HMCN2: variants seen among roughly 807,000 people sequenced by gnomAD.
The protein encoded by HMCN2 is hemicentin-2.
A neutral mutation model predicts 377.5 loss-of-function variants in HMCN2; 325 were observed. The ratio of observed to expected loss-of-function variants is 0.86; its 90% CI spans 0.79 to 0.94. The LOEUF is 0.94. HMCN2 is among the 40% of genes least tolerant of loss of function. HMCN2 has a pLI of 0.00. For synonymous variants in HMCN2, 2,007 were observed against 2,046.8 expected (o/e 0.98, Z 0.53); for missense variants, 4,543 against 4,725.3 (o/e 0.96, Z 1.13).
rs539753745 is a variant in HMCN2 at position 130,420,470 on chromosome 9, A to AAAAAC, written c.13231+1456_13231+1460dup. ...ATTTGTTCTGTAGGGCTACTGGTAA[A>AAAAAC]AAAACAAAACAAAACAAAACAAAAC... On this transcript the variant is annotated intron_variant, in intron 86 of 97. Coordinates refer to ENST00000683500, the MANE Select transcript of HMCN2 (RefSeq NM_001291815.2). Among the ~76,000 whole-genome samples the AAAAAC allele has an allele frequency of 5.2e-3, 794 of 152,230 alleles. 4 individuals are homozygous for AAAAAC. Among genetic ancestry groups the AAAAAC allele is most frequent in the South Asian group, 0.026 (123 of 4,820 alleles).
At chr9:130,322,764 T>G (rs1837924872) in intron 19 of HMCN2, among the ~76,000 whole-genome samples, 1 of 152,182 alleles carries the variant, frequency 6.6e-6, no homozygotes, top group Non-Finnish European at 1.5e-5. Flanking sequence ...GCCCAACTGC[T>G]CTCCTGCCCA....
chr9:130,358,472 C>T lies in HMCN2; in HGVS notation c.5663C>T (p.Ala1888Val), dbSNP rs910309026. The change falls in exon 36 of 98, where the codon GCG becomes GTG. Residue 1888 changes from alanine to valine, a missense_variant. Ala to Val is a moderately conservative substitution (Grantham distance 64, BLOSUM62 0). Transcript: ENST00000683500. ...NLAGESKREV[A>V]LKVLVPPNIE... ...GCTGGGGAGAGCAAGAGGGAAGTGG[C>T]GCTGAAAGTTTTGGGTGAGGACGTG... The T allele has an allele frequency of 4.6e-6, 6 of 1,304,222 alleles. No homozygotes were observed. The highest frequency in any genetic ancestry group is 1.5e-5 in the African/African-American group (1 of 65,854). 80.8% of individuals were successfully genotyped at this position (1,304,222 alleles called of 1,614,324 possible). A position where few individuals can be genotyped will look rare whatever the true frequency, so the allele number is the denominator to read the frequency against.
intron 17 of HMCN2, 117 bp downstream of exon 17, chr9:130,320,568 C>G (rs2131399161): frequency 6.6e-6 from 1 of 152,412 alleles, no homozygotes; most frequent in East Asian, 1.9e-4. Flanking sequence ...TCTGTTGGAA[C>G]AAACGAATCC....
At chr9:130,291,363 C>T (rs1254551939) in intron 4 of HMCN2, among the ~76,000 whole-genome samples, 1 of 152,152 alleles carries the variant, frequency 6.6e-6, no homozygotes, top group Non-Finnish European at 1.5e-5. Flanking sequence ...GCGCCTGCCA[C>T]CACACCCGGC....
chr9:130,374,047 G>A (rs1252348284), intron 48 of HMCN2, among the ~76,000 whole-genome samples: 1 of 151,938 alleles, frequency 6.6e-6, no homozygotes, highest in African/African-American at 2.4e-5. Context: ...TGGTTGAATG[G>A]AGGGATAGTT....
chr9:130,400,665 T>A, intron 76 of HMCN2, 118 bp from the exon 77 acceptor site: 3 of 615,066 alleles, frequency 4.9e-6, no homozygotes, highest in Non-Finnish European at 4.5e-6. Context: ...TGTTGCCACC[T>A]CCCTCCTTGG....
At chr9:130,372,639 G>T (rs1302847691) in intron 47 of HMCN2, among the ~76,000 whole-genome samples, 1 of 152,168 alleles carries the variant, frequency 6.6e-6, no homozygotes, top group Non-Finnish European at 1.5e-5. Context: ...ACAGGGCATG[G>T]TGGTACACGC....
rs551912643 is a variant in HMCN2 at position 130,405,987 on chromosome 9, T to C, written c.12372T>C (p.Ala4124=). ...GQDAGTYTCT[A]ENAVGRARRR... ...ACGCAGGCACCTATACCTGTACCGC[T>C]GAGAACGCCGTGGGCCGGGCCCGCC... Residue 4124 remains alanine (A), a synonymous_variant, in exon 82 of 98, where the codon GCT becomes GCC. Transcript: ENST00000683500. 74 of 1,289,488 alleles carry C rather than the reference T, an allele frequency of 5.7e-5. 2 individuals carry two copies. The South Asian group carries it at 7.0e-4, about 12-fold the overall frequency. 79.9% of individuals were successfully genotyped at this position (1,289,488 alleles called of 1,614,324 possible).
At chr9:130,409,275 G>A (rs1332803673) in intron 84 of HMCN2, among the ~76,000 whole-genome samples, 1 of 152,220 alleles carries the variant, frequency 6.6e-6, no homozygotes, top group African/African-American at 2.4e-5. Flanking sequence ...GGTAGGGTAG[G>A]CAGGTAATAG....
intron 62 of HMCN2, among the ~76,000 whole-genome samples, chr9:130,389,642 T>G (rs1267714837): frequency 1.3e-5 from 2 of 151,808 alleles, no homozygotes; most frequent in Non-Finnish European, 2.9e-5. Context: ...TGCCACAATC[T>G]CGGCTCACTG....
chr9:130,345,207 A>G (rs1157761073), intron 25 of HMCN2, among the ~76,000 whole-genome samples: 1 of 102,656 alleles, frequency 9.7e-6, no homozygotes, highest in Non-Finnish European at 2.0e-5. Flanking sequence ...TGTGGTATGT[A>G]TTGTGTGTGG....
At chr9:130,427,706 G>T in intron 92 of HMCN2, 87 bp downstream of exon 92, 1 of 1,441,760 alleles carries the variant, frequency 6.9e-7, no homozygotes. Flanking sequence ...CAGGACCCTG[G>T]CTGGGGACAC....
intron 40 of HMCN2, among the ~76,000 whole-genome samples, chr9:130,363,547 C>T (rs959376556): frequency 1.3e-5 from 2 of 152,076 alleles, no homozygotes; most frequent in Non-Finnish European, 2.9e-5. Flanking sequence ...GGGAGCTGGG[C>T]ATGGTGGCTC....
intron 4 of HMCN2, among the ~76,000 whole-genome samples, chr9:130,289,331 G>A (rs1188590637): frequency 1.3e-5 from 2 of 152,160 alleles, no homozygotes; most frequent in African/African-American, 4.8e-5. Flanking sequence ...AGTAAGGGCG[G>A]GCGGAAGATG....
chr9:130,405,024 C>A lies in HMCN2; in HGVS notation c.12304C>A (p.Gln4102Lys). The change falls in exon 81 of 98, where the codon CAG (glutamine) becomes AAG (lysine). Residue 4102 changes from glutamine to lysine, a missense_variant. By Grantham distance (53) the Gln-to-Lys change is moderately conservative. Transcript: ENST00000683500. Reference protein sequence around the residue: ...VSGAEGKFTIQPSGELLVKNL... With the variant: ...VSGAEGKFTIKPSGELLVKNL... ...GGGCGCCGAGGGGAAGTTCACCATC[C>A]AGCCTTCTGGGGAGTTGCTGGTGAA... 1 of 1,289,072 alleles carries A rather than the reference C, an allele frequency of 7.8e-7. No homozygotes were observed. 79.9% of individuals were successfully genotyped at this position (1,289,072 alleles called of 1,614,324 possible).
Position 130,371,030 on chromosome 9 carries a change from T to TAA in HMCN2, c.7137_7138dup (p.Thr2380LysfsTer39). On this transcript the variant is annotated frameshift_variant, in exon 46 of 98. Transcript: ENST00000683500. LOFTEE classifies it high-confidence loss of function. ...ATCACTGCTGCCTTGCACAGCCCCT[T>TAA]AACTCTGCTCTGTGAAGCCATGGGG... The TAA allele has an allele frequency of 1.0e-6, 1 of 985,988 alleles. No homozygotes were observed. Among genetic ancestry groups the TAA allele is most frequent in the East Asian group, 1.1e-4 (1 of 8,812 alleles). 61.1% of individuals were successfully genotyped at this position (985,988 alleles called of 1,614,324 possible).
In HMCN2 at chr9:130,369,704, G is replaced by A. The variant is rs373739982; in HGVS notation, c.6922G>A (p.Val2308Met). The A allele has an allele frequency of 1.0e-5, 10 of 985,932 alleles. No homozygotes were observed. The highest frequency in any genetic ancestry group is 5.2e-4 in the Middle Eastern group (1 of 1,940). 61.1% of individuals were successfully genotyped at this position (985,932 alleles called of 1,614,324 possible). Residue 2308 changes from valine (V) to methionine (M), a missense_variant, in exon 45 of 98, where the codon GTG becomes ATG. Val to Met is a conservative substitution (Grantham distance 21). This residue lies in a region of HMCN2 where 1,032 missense variants were observed against 1,285.1 expected (regional missense o/e 0.80). Transcript: ENST00000683500. The surrounding 1 kb of genome is among the most constrained non-coding windows in gnomAD (Gnocchi z 4.5). Reference protein sequence around the residue: ...TVTWERDGQPVGAELGLQLQN... With the variant: ...TVTWERDGQPMGAELGLQLQN... Reference sequence around the variant, plus strand: ...GACATGGGAGCGGGACGGCCAGCCCGTGGGGGCTGAACTGGGCCTGCAGCT... The same window carrying A: ...GACATGGGAGCGGGACGGCCAGCCCATGGGGGCTGAACTGGGCCTGCAGCT...
chr9:130,388,476 G>A lies in HMCN2; in HGVS notation c.9459G>A (p.Leu3153=), dbSNP rs1270209710. ...AGGTGGCTGGGAGCCCCCTGGTCCTGACCTGTGATGTGTCCGGGGTCCCTG... is the reference window on the plus strand; with the variant it reads ...AGGTGGCTGGGAGCCCCCTGGTCCTAACCTGTGATGTGTCCGGGGTCCCTG... ...VSQVAGSPLV[L]TCDVSGVPAP... The change falls in exon 62 of 98, where the codon CTG becomes CTA. Residue 3153 remains leucine (L), a synonymous_variant. Transcript: ENST00000683500. 2.0e-6 allele frequency: 2 copies of A among 987,914 alleles called. No individual in the cohort carries two copies. The highest frequency in any genetic ancestry group is 2.4e-6 in the Non-Finnish European group (2 of 830,126). The allele number at this position is 987,914 out of a possible 1,614,324, so 61.2% of individuals were successfully genotyped here.
chr9:130,300,255 C>T (rs1333517059), intron 8 of HMCN2, among the ~76,000 whole-genome samples: 1 of 152,148 alleles, frequency 6.6e-6, no homozygotes, highest in African/African-American at 2.4e-5. Context: ...TCCATCTATC[C>T]ACCCATTCGT....
Sources: allele counts gnomAD v4.1 joint callset (sites outside exome capture counted in the v4.1 genomes callset), GRCh38; gene constraint gnomAD v4.1.1; regional missense constraint gnomAD v4.1.1; non-coding constraint Gnocchi (gnomAD v3.1); transcripts MANE v1.5; gene names NCBI Gene and HGNC (gene_info 2026-07-23, HGNC 2026-07-21).